The following DPF3 variants were observed in gnomAD, a reference collection of about 807,000 sequenced individuals.
DPF3 encodes the protein zinc finger protein DPF3.
A neutral mutation model predicts 56.8 loss-of-function variants in DPF3; 18 were observed. That is an observed-to-expected ratio of 0.32 (90% CI 0.22 to 0.47). The LOEUF (loss-of-function observed/expected upper bound fraction) is 0.47. Ranked by LOEUF, DPF3 falls within the 20% of genes least tolerant of loss-of-function variation. The pLI, the probability that DPF3 is intolerant of heterozygous loss-of-function variation, is 1.00. For synonymous variants in DPF3, 188 were observed against 180.2 expected (o/e 1.04, Z -0.35); for missense variants, 403 against 488.8 (o/e 0.82, Z 1.65).
chr14:72,772,454 G>C (rs367699248), intron 1 of DPF3, among the ~76,000 whole-genome samples: 1 of 152,150 alleles, frequency 6.6e-6, no homozygotes. Context: ...CAGGAAGAAG[G>C]GGGTGTAGAG....
chr14:72,859,484 A>C (rs35384815), intron 1 of DPF3, among the ~76,000 whole-genome samples: 24,017 of 52,886 alleles, frequency 0.45, 3,416 homozygotes, highest in East Asian at 0.66. Context: ...CCCCCCCCCC[A>C]CACCATTCCC....
intron 1 of DPF3, among the ~76,000 whole-genome samples, chr14:72,878,586 A>G (rs1393949452): frequency 2.0e-5 from 3 of 152,196 alleles, no homozygotes; most frequent in Non-Finnish European, 4.4e-5. Context: ...AACTCAAAAG[A>G]AAAAAGAATC....
At chr14:72,690,860 G>A (rs558144657) in intron 7 of DPF3, among the ~76,000 whole-genome samples, 6 of 152,304 alleles carry the variant, frequency 3.9e-5, no homozygotes, top group Admixed American at 2.6e-4. Context: ...CGACAATGGC[G>A]AAGAAACACT....
rs1884058501 is a variant in DPF3 at position 72,615,857 on chromosome 14, C to G, written c.*3440G>C. The stretch of plus-strand genomic sequence containing the variant: ...CTGGATTTGCTACAGATCCAAAAAG[C>G]AGGGTTTCAAAAATGCCTACAGGAA... On this transcript the variant is annotated 3_prime_UTR_variant, in exon 11 of 11. Coordinates refer to ENST00000556509, the MANE Select transcript of DPF3 (RefSeq NM_001280542.3). Among the ~76,000 whole-genome samples the G allele has an allele frequency of 6.6e-6, 1 of 152,252 alleles. No homozygotes were observed. Among genetic ancestry groups the G allele is most frequent in the South Asian group, 2.1e-4 (1 of 4,836 alleles).
At chr14:72,891,241 C>T (rs1024040902) in intron 1 of DPF3, among the ~76,000 whole-genome samples, 1 of 151,960 alleles carries the variant, frequency 6.6e-6, no homozygotes, top group Non-Finnish European at 1.5e-5. Flanking sequence ...CATTAACTAC[C>T]ACCACTTTAT....
At chr14:72,866,465 G>A (rs998864017) in intron 1 of DPF3, among the ~76,000 whole-genome samples, 2 of 150,572 alleles carry the variant, frequency 1.3e-5, no homozygotes, top group East Asian at 1.9e-4. Context: ...AAGCTTATTC[G>A]AATGCACAGG....
At chr14:72,625,830 T>G (rs915710990) in intron 9 of DPF3, among the ~76,000 whole-genome samples, 1 of 152,156 alleles carries the variant, frequency 6.6e-6, no homozygotes, top group Non-Finnish European at 1.5e-5. Context: ...CTTCCCCCCT[T>G]TATTTGGTTA....
intron 4 of DPF3, among the ~76,000 whole-genome samples, chr14:72,729,001 A>G (rs1177833030): frequency 2.0e-5 from 3 of 152,118 alleles, no homozygotes; most frequent in Non-Finnish European, 2.9e-5. Flanking sequence ...TAATCCCAGC[A>G]CTTTGGGAGG....
chr14:72,624,199 C>T (rs1185748354), intron 9 of DPF3, among the ~76,000 whole-genome samples: 2 of 152,074 alleles, frequency 1.3e-5, no homozygotes, highest in African/African-American at 4.8e-5. Flanking sequence ...GAGAATTGTA[C>T]TCACTGTGCC....
At chr14:72,779,454 G>A (rs1040823715) in intron 1 of DPF3, among the ~76,000 whole-genome samples, 1 of 152,080 alleles carries the variant, frequency 6.6e-6, no homozygotes, top group Non-Finnish European at 1.5e-5. Context: ...ACCCAAGATG[G>A]CTCCCAATGG....
intron 5 of DPF3, among the ~76,000 whole-genome samples, chr14:72,717,419 G>C (rs188419235): frequency 1.3e-5 from 2 of 152,268 alleles, no homozygotes; most frequent in East Asian, 1.9e-4. Flanking sequence ...AAGTCCACAG[G>C]AAGCACTCAA....
intron 3 of DPF3, among the ~76,000 whole-genome samples, chr14:72,752,736 C>T (rs746846784): frequency 6.6e-6 from 1 of 152,210 alleles, no homozygotes; most frequent in Non-Finnish European, 1.5e-5. Context: ...GAGCAATCTG[C>T]ATCACACGGG....
In DPF3 at chr14:72,753,268, T is replaced by A; in HGVS notation, c.297A>T (p.Lys99Asn). ...EDPKLRLLEI[K>N]PEVELPLKKD... ...CAAGCTCCAGAGGGCACTGACCAGG[T>A]TTTATCTCCAGCAGCCGCAGTTTTG... The change falls in exon 3 of 11, where the codon AAA becomes AAT. Residue 99 changes from lysine to asparagine, a missense_variant. Lys to Asn is a moderately conservative substitution (Grantham distance 94). Transcript: ENST00000556509. The A allele has an allele frequency of 6.2e-7, 1 of 1,613,526 alleles. No individual in the cohort carries two copies. Among genetic ancestry groups the A allele is most frequent in the Non-Finnish European group, 8.5e-7 (1 of 1,179,744 alleles).
intron 8 of DPF3, among the ~76,000 whole-genome samples, chr14:72,646,861 G>C (rs558703087): frequency 6.6e-6 from 1 of 152,342 alleles, no homozygotes; most frequent in Non-Finnish European, 1.5e-5. Context: ...TAAACATGCA[G>C]ATTCTCAGGC....
intron 8 of DPF3, among the ~76,000 whole-genome samples, chr14:72,663,771 A>G (rs1022035888): frequency 6.6e-6 from 1 of 152,108 alleles, no homozygotes; most frequent in Non-Finnish European, 1.5e-5. Flanking sequence ...GCCTAAATGG[A>G]AAATGGCCAA....
Position 72,798,433 on chromosome 14 carries a change from C to T in DPF3, c.33-26540G>A, listed in dbSNP as rs10136931. On this transcript the variant is annotated intron_variant, in intron 1 of 10. Coordinates refer to ENST00000556509, the MANE Select transcript of DPF3 (RefSeq NM_001280542.3). ...GCCATATTTTCAACATACATACATA[C>T]ATACATGTATGAAACCAAGATAGGA... is the stretch of plus-strand genomic sequence containing the variant. Among the ~76,000 whole-genome samples, 569 of 152,246 alleles carry T rather than the reference C, an allele frequency of 3.7e-3. 4 individuals are homozygous for T. Among genetic ancestry groups the T allele is most frequent in the African/African-American group, 0.013 (538 of 41,540 alleles).
chr14:72,872,455 C>T (rs572988388), intron 1 of DPF3, among the ~76,000 whole-genome samples: 31 of 152,282 alleles, frequency 2.0e-4, no homozygotes, highest in African/African-American at 6.5e-4. Context: ...GCTCTGCTTC[C>T]CTTATAAAAC....
chr14:72,611,522 A>C lies in DPF3; in HGVS notation c.*7775T>G, dbSNP rs989214053. On this transcript the variant is annotated 3_prime_UTR_variant, in exon 11 of 11. Coordinates refer to ENST00000556509, the MANE Select transcript of DPF3 (RefSeq NM_001280542.3). ...CTGTACTTGAAGCCCCCACCCCCCC[A>C]GTCCCGCTCTCTGCTTTCTCTAGCA... Among the ~76,000 whole-genome samples, 14 of 149,690 alleles carry C rather than the reference A, an allele frequency of 9.4e-5. No individual in the cohort carries two copies. Among genetic ancestry groups the C allele is most frequent in the African/African-American group, 3.2e-4 (13 of 40,814 alleles).
rs567608586 is a variant in DPF3 at position 72,775,343 on chromosome 14, A to C, written c.33-3450T>G. Among the ~76,000 whole-genome samples the C allele has an allele frequency of 1.2e-4, 18 of 152,354 alleles. No homozygotes were observed. In the South Asian group the frequency reaches 3.5e-3, roughly 30 times the overall value. On this transcript the variant is annotated intron_variant, in intron 1 of 10. Coordinates refer to ENST00000556509, the MANE Select transcript of DPF3 (RefSeq NM_001280542.3). ...AAAGAAATCTACACAGTAGGATTCC[A>C]AATTGGACTTGTCCTAATATGCTAG...
Sources: allele counts gnomAD v4.1 joint callset (sites outside exome capture counted in the v4.1 genomes callset), GRCh38; gene constraint gnomAD v4.1.1; transcripts MANE v1.5; gene names NCBI Gene and HGNC (gene_info 2026-07-23, HGNC 2026-07-21).